The following FHOD1 variants were observed in gnomAD, a reference collection of about 807,000 sequenced individuals.
FHOD1 encodes the protein formin homology 2 domain containing 1.
In FHOD1, 89 loss-of-function variants were observed where a neutral mutation model predicts 111.6. The observed-to-expected ratio is 0.80, with a 90% CI of 0.67 to 0.95. FHOD1 has a LOEUF of 0.95. Among genes scored for constraint, FHOD1 ranks in the 40% least tolerant of loss-of-function variants. The pLI, the probability that FHOD1 is intolerant of heterozygous loss-of-function variation, is 0.00. For missense variants in FHOD1, 1,446 were observed against 1,554.2 expected (o/e 0.93, Z 1.17); for synonymous variants, 618 against 639.0 (o/e 0.97, Z 0.50).
intron 1 of FHOD1, among the ~76,000 whole-genome samples, chr16:67,240,025 A>G (rs1413212349): frequency 2.0e-5 from 3 of 152,156 alleles, no homozygotes; most frequent in African/African-American, 2.4e-5. Flanking sequence ...CCCAGAAAGA[A>G]AGTGTTAAGA....
Position 67,236,580 on chromosome 16 carries a change from G to C in FHOD1, c.1296C>G (p.Thr432=). 1 of 1,613,608 alleles carries C rather than the reference G, an allele frequency of 6.2e-7. No homozygotes were observed. The highest frequency in any genetic ancestry group is 8.5e-7 in the Non-Finnish European group (1 of 1,179,860). ...PTISVAPSAD[T]SSERSIYKAR... ...ACTTGTAGATGCTCCTCTCGCTGGA[G>C]GTGTCAGCTGAGGGTGCCACAGAGA... Residue 432 remains threonine (T), a synonymous_variant, in exon 11 of 22, where the codon ACC becomes ACG. Coordinates refer to ENST00000258201, the MANE Select transcript of FHOD1 (RefSeq NM_013241.3).
rs751257468 is a variant in FHOD1 at position 67,230,228 on chromosome 16, T to C, written c.3052A>G (p.Thr1018Ala). 1 of 1,613,826 alleles carries C rather than the reference T, an allele frequency of 6.2e-7. No homozygotes were observed. The highest frequency in any genetic ancestry group is 1.1e-5 in the South Asian group (1 of 91,082). Reference protein sequence around the residue: ...NKTRGRMITETEKFSGVAGEA... With the variant: ...NKTRGRMITEAEKFSGVAGEA... ...CCAGCCACACCTGAGAACTTCTCTGTCTGGAGAAAGAAGAAGGGTGAGCTG... is the reference window on the plus strand; with the variant it reads ...CCAGCCACACCTGAGAACTTCTCTGCCTGGAGAAAGAAGAAGGGTGAGCTG... Residue 1018 changes from threonine to alanine, a missense_variant and splice_region_variant, in exon 20 of 22, where the codon ACA (threonine) becomes GCA (alanine). By Grantham distance (58) the Thr-to-Ala change is moderately conservative. Transcript: ENST00000258201.
In FHOD1 at chr16:67,234,392, G is replaced by C. The variant is rs2034402412; in HGVS notation, c.1400C>G (p.Ala467Gly). The C allele has an allele frequency of 3.1e-6, 5 of 1,610,318 alleles. No homozygotes were observed. Among genetic ancestry groups the C allele is most frequent in the Admixed American group, 3.3e-5 (2 of 59,894 alleles). The change falls in exon 12 of 22, where the codon GCC becomes GGC. Residue 467 changes from alanine to glycine, a missense_variant. Around this residue, in one of 3 missense-constraint regions of FHOD1, gnomAD observed 1,085 missense variants for 1,108.8 expected, o/e 0.98. Transcript: ENST00000258201. ...ALAQGRAETL[A>G]GAMPNEAGGH... ...ACCCGCCTCATTGGGCATGGCCCCG[G>C]CAAGTGTCTCTGCCCGGCCCTGGGC... is the stretch of plus-strand genomic sequence containing the variant.
chr16:67,231,405 CT>C lies in FHOD1; in HGVS notation c.2505+24del. On this transcript the variant is annotated intron_variant, in intron 16 of 21. Transcript: ENST00000258201. The surrounding 1 kb of genome is among the most constrained non-coding windows in gnomAD (Gnocchi z 4.3). ...GTTGGCTCCAGAACCCTGACTCCCC[CT>C]AGTCCCCATGTACTCTCACTCACCT... 6.2e-7 allele frequency: 1 copy of C among 1,613,582 alleles called. No homozygotes were observed. The highest frequency in any genetic ancestry group is 1.3e-5 in the African/African-American group (1 of 74,918).
chr16:67,233,686 A>C lies in FHOD1; in HGVS notation c.2017T>G (p.Ser673Ala). ...GAGGGCAGCACCTCTTTGGCACGAG[A>C]CTCAAAGAGGTGTTCCAGTCGGGCC... is the stretch of plus-strand genomic sequence containing the variant. ...DTARLEHLFESRAKEVLPSKK... is the reference protein window; with the variant it reads ...DTARLEHLFEARAKEVLPSKK... The change falls in exon 13 of 22, where the codon TCT (serine) becomes GCT (alanine). Residue 673 changes from serine to alanine, a missense_variant. Physicochemically the swap from Ser to Ala is moderately conservative, Grantham distance 99. This residue lies in a region of FHOD1 where 1,085 missense variants were observed against 1,108.8 expected (regional missense o/e 0.98). Coordinates refer to ENST00000258201, the MANE Select transcript of FHOD1 (RefSeq NM_013241.3). The C allele has an allele frequency of 6.2e-7, 1 of 1,602,106 alleles. No homozygotes were observed. The highest frequency in any genetic ancestry group is 8.5e-7 in the Non-Finnish European group (1 of 1,170,782).
At chr16:67,243,038 G>A (rs1036788453) in intron 1 of FHOD1, among the ~76,000 whole-genome samples, 12 of 151,058 alleles carry the variant, frequency 7.9e-5, no homozygotes, top group South Asian at 4.2e-4. Context: ...CATTTTTCCC[G>A]CTTGTTTCTT....
chr16:67,230,703 T>C lies in FHOD1; in HGVS notation c.2756A>G (p.His919Arg). Residue 919 changes from histidine (H) to arginine (R), a missense_variant, in exon 18 of 22, where the codon CAT becomes CGT. By Grantham distance (29) the His-to-Arg change is conservative (BLOSUM62 0). Around this residue, in one of 3 missense-constraint regions of FHOD1, gnomAD observed 1,085 missense variants for 1,108.8 expected, o/e 0.98. Coordinates refer to ENST00000258201, the MANE Select transcript of FHOD1 (RefSeq NM_013241.3). ...AEESLRSLAK[H>R]ELAPALRARL... is the part of the protein sequence containing the mutation. ...GGCACGCAGGGCTGGGGCCAGCTCA[T>C]GCTTGGCCAAGCTCCGCAGGCTCTC... 1 of 1,613,818 alleles carries C rather than the reference T, an allele frequency of 6.2e-7. No individual in the cohort carries two copies. Among genetic ancestry groups the C allele is most frequent in the Non-Finnish European group, 8.5e-7 (1 of 1,179,950 alleles).
chr16:67,242,160 G>T (rs756679724), intron 1 of FHOD1, among the ~76,000 whole-genome samples: 1 of 152,092 alleles, frequency 6.6e-6, no homozygotes, highest in Non-Finnish European at 1.5e-5. Context: ...GTAGAGACAG[G>T]GTTTCAGCAT....
chr16:67,231,893 TCA>T lies in FHOD1; in HGVS notation c.2203-76_2203-75del. On this transcript the variant is annotated intron_variant, in intron 14 of 21. Transcript: ENST00000258201. The surrounding 1 kb of genome is among the most constrained non-coding windows in gnomAD (Gnocchi z 4.3). ...GGCCTGAGGCATTGGTCTTGACCCC[TCA>T]GTCATCTAGGGGAGGCCCCAGTGTC... The T allele has an allele frequency of 6.4e-7, 1 of 1,553,252 alleles. No individual in the cohort carries two copies. Among genetic ancestry groups the T allele is most frequent in the African/African-American group, 1.4e-5 (1 of 73,416 alleles).
Position 67,230,424 on chromosome 16 carries a change from G to A in FHOD1, c.2941C>T (p.Arg981Trp), listed in dbSNP as rs2034212860. Residue 981 changes from arginine (R) to tryptophan (W), a missense_variant, in exon 19 of 22, where the codon CGG (arginine) becomes TGG (tryptophan). Coordinates refer to ENST00000258201, the MANE Select transcript of FHOD1 (RefSeq NM_013241.3). ...GTCCGATACTCAAGCGCAAATTCCC[G>A]CAGCGTGTGGCAGAACTGCATGATG... ...VRIMQFCHTL[R>W]EFALEYRTCR... 7 of 1,614,240 alleles carry A rather than the reference G, an allele frequency of 4.3e-6. No individual in the cohort carries two copies. The highest frequency in any genetic ancestry group is 5.9e-6 in the Non-Finnish European group (7 of 1,180,040).
At position 67,231,331 on chromosome 16, in the gene FHOD1, T is replaced by A; in HGVS notation, c.2524A>T (p.Ser842Cys). ...NGSQSSGFEL[S>C]YLEKVSEVKD... is the part of the protein sequence containing the mutation. ...ACCTCTGACACCTTCTCCAGGTAGC[T>A]CAGCTCAAAGCCGCTGCTCTGAAAG... Residue 842 changes from serine to cysteine, a missense_variant, in exon 17 of 22, where the codon AGC becomes TGC. Coordinates refer to ENST00000258201, the MANE Select transcript of FHOD1 (RefSeq NM_013241.3). The surrounding 1 kb of genome is among the most constrained non-coding windows in gnomAD (Gnocchi z 4.3). 1 of 1,614,110 alleles carries A rather than the reference T, an allele frequency of 6.2e-7. No homozygotes were observed. The highest frequency in any genetic ancestry group is 8.5e-7 in the Non-Finnish European group (1 of 1,179,994).
At chr16:67,243,743 T>C (rs1597331817) in intron 1 of FHOD1, among the ~76,000 whole-genome samples, 2 of 152,192 alleles carry the variant, frequency 1.3e-5, no homozygotes, top group East Asian at 1.9e-4. Flanking sequence ...CTTAGTTTTC[T>C]GGACTCTGCA....
rs1241786181 is a variant in FHOD1, at chr16:67,231,377, C to T, written c.2506-28G>A. 1 of 1,614,090 alleles carries T rather than the reference C, an allele frequency of 6.2e-7. No individual in the cohort carries two copies. Among genetic ancestry groups the T allele is most frequent in the Non-Finnish European group, 8.5e-7 (1 of 1,179,992 alleles). Reference sequence around the variant, plus strand: ...GAAAGGACCCTTTCTGAGCCTGGGCCTGGTTGGCTCCAGAACCCTGACTCC... The same window carrying T: ...GAAAGGACCCTTTCTGAGCCTGGGCTTGGTTGGCTCCAGAACCCTGACTCC... On this transcript the variant is annotated intron_variant, in intron 16 of 21. Transcript: ENST00000258201. The surrounding 1 kb of genome is among the most constrained non-coding windows in gnomAD (Gnocchi z 4.3).
At position 67,229,675 on chromosome 16, in the gene FHOD1, C is replaced by G; in HGVS notation, c.3456G>C (p.Gln1152His). The change falls in exon 22 of 22, where the codon CAG becomes CAC. Residue 1152 changes from glutamine (Q) to histidine (H), a missense_variant. Physicochemically the swap from Gln to His is conservative, Grantham distance 24. This residue lies in a region of FHOD1 where 1,085 missense variants were observed against 1,108.8 expected (regional missense o/e 0.98). Transcript: ENST00000258201. ...LKSGLGDDLVQALGLSKGPGL... is the reference protein window; with the variant it reads ...LKSGLGDDLVHALGLSKGPGL... ...CAGGACCCTTGCTTAGTCCCAGTGCCTGCACCAGGTCATCTCCGAGCCCAC... is the reference window on the plus strand; with the variant it reads ...CAGGACCCTTGCTTAGTCCCAGTGCGTGCACCAGGTCATCTCCGAGCCCAC... The G allele has an allele frequency of 3.1e-6, 5 of 1,614,226 alleles. No individual in the cohort carries two copies. The highest frequency in any genetic ancestry group is 3.4e-6 in the Non-Finnish European group (4 of 1,180,038).
intron 1 of FHOD1, among the ~76,000 whole-genome samples, chr16:67,245,508 G>T (rs1243598619): frequency 2.0e-5 from 3 of 152,162 alleles, no homozygotes; most frequent in Non-Finnish European, 2.9e-5. Flanking sequence ...ACTTTGGGAG[G>T]CTTAGGCAGG....
chr16:67,238,950 G>C lies in FHOD1; in HGVS notation c.326C>G (p.Thr109Arg), dbSNP rs1347930201. 6.2e-7 allele frequency: 1 copy of C among 1,614,160 alleles called. No individual in the cohort carries two copies. Among genetic ancestry groups the C allele is most frequent in the Non-Finnish European group, 8.5e-7 (1 of 1,179,990 alleles). The part of the protein sequence containing the change: ...YEEISKGRKP[T>R]LILRTQLSVR... ...AGAGAGCTGGGTCCGAAGGATCAGC[G>C]TGGGCTTCCGCCCTTTGCTGGAATC... The change falls in exon 3 of 22, where the codon ACG (threonine) becomes AGG (arginine). Residue 109 changes from threonine to arginine, a missense_variant. By Grantham distance (71) the Thr-to-Arg change is moderately conservative (BLOSUM62 -1). Transcript: ENST00000258201. This position sits in a 1 kb window ranked among gnomAD's most constrained non-coding sequence, Gnocchi z 4.2.
chr16:67,232,018 C>T lies in FHOD1; in HGVS notation c.2202+21G>A, dbSNP rs79286145. On this transcript the variant is annotated intron_variant, in intron 14 of 21. Transcript: ENST00000258201. ...GAGAAGGCCAGACCTCCCCCCAACA[C>T]CCATAGCTGGGTGACCTCACCTCAA... 1,974 of 1,613,684 alleles carry T rather than the reference C, an allele frequency of 1.2e-3. 21 individuals are homozygous for T. The African/African-American group carries it at 0.023, about 18-fold the overall frequency.
Position 67,231,599 on chromosome 16 carries a change from C to T in FHOD1, c.2385+38G>A. ...CAGACTACATGGTCATGATGCTTAC[C>T]TGTCCCTACTGACTGTCCCACTCCA... On this transcript the variant is annotated intron_variant, in intron 15 of 21. Coordinates refer to ENST00000258201, the MANE Select transcript of FHOD1 (RefSeq NM_013241.3). The surrounding 1 kb of genome is among the most constrained non-coding windows in gnomAD (Gnocchi z 4.3). 6.2e-7 allele frequency: 1 copy of T among 1,614,102 alleles called. No homozygotes were observed. Among genetic ancestry groups the T allele is most frequent in the Non-Finnish European group, 8.5e-7 (1 of 1,179,974 alleles).
intron 1 of FHOD1, among the ~76,000 whole-genome samples, chr16:67,243,372 T>C (rs191286206): frequency 6.6e-6 from 1 of 152,108 alleles, no homozygotes; most frequent in Admixed American, 6.5e-5. Context: ...CTGCCTCTTT[T>C]TTTTCTTTTC....
Sources: allele counts gnomAD v4.1 joint callset (sites outside exome capture counted in the v4.1 genomes callset), GRCh38; gene constraint gnomAD v4.1.1; regional missense constraint gnomAD v4.1.1; non-coding constraint Gnocchi (gnomAD v3.1); transcripts MANE v1.5; gene names NCBI Gene and HGNC (gene_info 2026-07-23, HGNC 2026-07-21).